PCDHA2: variants seen among roughly 807,000 people sequenced by gnomAD.
PCDHA2 encodes protocadherin alpha 2, also known as protocadherin alpha-2.
A neutral mutation model predicts 66.0 loss-of-function variants in PCDHA2; 58 were observed. The ratio of observed to expected loss-of-function variants is 0.88; its 90% confidence interval spans 0.71 to 1.09. PCDHA2 has a LOEUF of 1.09. Among genes scored for constraint, PCDHA2 ranks in the 50% least tolerant of loss-of-function variants. The pLI is 0.00. For synonymous variants in PCDHA2, 634 were observed against 554.0 expected (o/e 1.14, Z -2.03); for missense variants, 1,267 against 1,242.3 (o/e 1.02, Z -0.30).
At position 140,946,611 on chromosome 5, in the gene PCDHA2, A is replaced by AATATATAT. The variant is rs1554217734; in HGVS notation, c.2389-32324_2389-32317dup. Among the ~76,000 whole-genome samples, 282 of 86,744 alleles carry AATATATAT rather than the reference A, an allele frequency of 3.3e-3. 10 individuals carry two copies. Among genetic ancestry groups the AATATATAT allele is most frequent in the African/African-American group, 0.015 (234 of 15,690 alleles). The allele number at this position is 86,744 out of a possible 152,430, so 56.9% of individuals were successfully genotyped here. A position where few individuals can be genotyped will look rare whatever the true frequency, so the allele number is the denominator to read the frequency against. Reference sequence around the variant, plus strand: ...GGATGAATAGATAAAGAAAATGTGAAATATATATATATATATATATACAAT... The same window carrying AATATATAT: ...GGATGAATAGATAAAGAAAATGTGAAATATATATATATATATATATATATATATACAAT... On this transcript the variant is annotated intron_variant, in intron 1 of 3. Coordinates refer to ENST00000526136, the MANE Select transcript of PCDHA2 (RefSeq NM_018905.3).
intron 1 of PCDHA2, among the ~76,000 whole-genome samples, chr5:140,872,998 G>C (rs2054022914): frequency 6.6e-6 from 1 of 152,060 alleles, no homozygotes; most frequent in African/African-American, 2.4e-5. Flanking sequence ...TTACTTCTGA[G>C]TCATTCTTCA....
chr5:140,921,777 C>T (rs1434211783), intron 1 of PCDHA2, among the ~76,000 whole-genome samples: 1 of 152,030 alleles, frequency 6.6e-6, no homozygotes, highest in African/African-American at 2.4e-5. Context: ...TCAATACTGA[C>T]TTGGATGTTC....
At chr5:140,848,923 C>G (rs1554142574) in intron 1 of PCDHA2, 1 of 1,607,740 alleles carries the variant, frequency 6.2e-7, no homozygotes, top group Middle Eastern at 1.7e-4. Context: ...CTGTTCATCG[C>G]GGAATCCAGG....
At chr5:140,817,344 G>T (rs187134127) in intron 1 of PCDHA2, 1 of 152,268 alleles carries the variant, frequency 6.6e-6, no homozygotes, top group Non-Finnish European at 1.5e-5. Context: ...CTTGCTTGGA[G>T]CCCAGGACCC....
At chr5:140,902,687 T>C (rs552973135) in intron 1 of PCDHA2, among the ~76,000 whole-genome samples, 184 of 152,262 alleles carry the variant, frequency 1.2e-3, no homozygotes, top group African/African-American at 4.2e-3. Context: ...GTACCTAATA[T>C]GTGTAGTCTT....
chr5:140,821,946 G>T, intron 1 of PCDHA2: 1 of 1,614,176 alleles, frequency 6.2e-7, no homozygotes, highest in Non-Finnish European at 8.5e-7. Flanking sequence ...AGCTGGCGGA[G>T]CTGGTGCCGC....
chr5:140,884,803 C>T, intron 1 of PCDHA2: 1 of 1,225,142 alleles, frequency 8.2e-7, no homozygotes, highest in Non-Finnish European at 1.1e-6. Context: ...AATTTAACAA[C>T]TCTGCTGTGG....
intron 1 of PCDHA2, among the ~76,000 whole-genome samples, chr5:140,840,153 G>A (rs1284552041): frequency 6.6e-6 from 1 of 152,018 alleles, no homozygotes; most frequent in Non-Finnish European, 1.5e-5. Context: ...CACGTGAAAG[G>A]AGAGATGGGA....
At chr5:140,898,410 C>T (rs1554187963) in intron 1 of PCDHA2, among the ~76,000 whole-genome samples, 4 of 152,212 alleles carry the variant, frequency 2.6e-5, no homozygotes. Flanking sequence ...CTACATACGG[C>T]TAGCCAGTTT....
At chr5:140,835,933 T>C (rs1774056119) in intron 1 of PCDHA2, 1 of 1,612,410 alleles carries the variant, frequency 6.2e-7, no homozygotes, top group Non-Finnish European at 8.5e-7. Context: ...AGCGGCAAGG[T>C]GTACGCGCTG....
At chr5:140,964,844 A>G (rs2095857701) in intron 1 of PCDHA2, among the ~76,000 whole-genome samples, 1 of 152,160 alleles carries the variant, frequency 6.6e-6, no homozygotes, top group Admixed American at 6.5e-5. Flanking sequence ...CCTACTCTGT[A>G]CCCTTGAGGA....
chr5:140,826,337 GAACCC>G (rs1768904080), intron 1 of PCDHA2, among the ~76,000 whole-genome samples: 1 of 152,056 alleles, frequency 6.6e-6, no homozygotes, highest in Non-Finnish European at 1.5e-5. Flanking sequence ...TTAAGAAATT[GAACCC>G]TTTGTTTGCC....
At chr5:140,835,288 T>G in intron 1 of PCDHA2, 1 of 1,612,190 alleles carries the variant, frequency 6.2e-7, no homozygotes, top group Non-Finnish European at 8.5e-7. Context: ...AGTGGGGCAA[T>G]CACAGTGATA....
At chr5:140,827,540 TAA>T (rs2150148064) in intron 1 of PCDHA2, among the ~76,000 whole-genome samples, 8,865 of 152,224 alleles carry the variant, frequency 0.058, 846 homozygotes, top group African/African-American at 0.2. Context: ...TTGATAATTT[TAA>T]GTTACATTTT....
chr5:141,005,164 G>A (rs782398186), intron 3 of PCDHA2, among the ~76,000 whole-genome samples: 2 of 152,178 alleles, frequency 1.3e-5, no homozygotes, highest in Non-Finnish European at 2.9e-5. Context: ...TAAAGAGTGG[G>A]TACCACTTTC....
At chr5:140,904,064 G>C (rs1238949756) in intron 1 of PCDHA2, among the ~76,000 whole-genome samples, 2 of 151,906 alleles carry the variant, frequency 1.3e-5, no homozygotes, top group Non-Finnish European at 2.9e-5. Context: ...TGGGTTTTTG[G>C]GGAACAGTAT....
chr5:140,843,160 A>C lies in PCDHA2; in HGVS notation c.2388+45808A>C, dbSNP rs2150354112. The stretch of plus-strand genomic sequence containing the variant: ...CGTGGCTTTCGTATGAGCTGCAGCC[A>C]GCTGCAAGCAGCCCTCGCATCCCGT... On this transcript the variant is annotated intron_variant, in intron 1 of 3. Transcript: ENST00000526136. 3.6e-5 allele frequency: 58 copies of C among 1,596,000 alleles called. 4 individuals are homozygous for C. In the South Asian group the frequency reaches 6.1e-4, roughly 17 times the overall value.
chr5:140,821,224 G>A (rs1766920649), intron 1 of PCDHA2, among the ~76,000 whole-genome samples: 1 of 152,100 alleles, frequency 6.6e-6, no homozygotes, highest in Non-Finnish European at 1.5e-5. Context: ...TGTTTAAATA[G>A]AGATGAGAAA....
chr5:140,828,715 C>A (rs1301928417), intron 1 of PCDHA2: 2 of 1,614,156 alleles, frequency 1.2e-6, no homozygotes, highest in Non-Finnish European at 1.7e-6. Flanking sequence ...CTCCTGCACA[C>A]AACTTATTCC....
Sources: allele counts gnomAD v4.1 joint callset (sites outside exome capture counted in the v4.1 genomes callset), GRCh38; gene constraint gnomAD v4.1.1; transcripts MANE v1.5; gene names NCBI Gene and HGNC (gene_info 2026-07-23, HGNC 2026-07-21).